Variants in PLCB4 observed in about 807,000 individuals in gnomAD.
PLCB4 encodes the protein phospholipase C beta 4.
In PLCB4, 77 loss-of-function variants were observed where a neutral mutation model predicts 178.8. The observed-to-expected ratio is 0.43, with a 90% CI of 0.36 to 0.52. The LOEUF is 0.52. Among genes scored for constraint, PLCB4 ranks in the 20% least tolerant of loss-of-function variants. PLCB4 has a pLI of 0.00. For missense variants in PLCB4, 1,024 were observed against 1,453.4 expected, an observed-to-expected ratio of 0.70 and a Z score of 4.80; for synonymous variants, 496 against 490.8, an observed-to-expected ratio of 1.01 and a Z score of -0.14.
intron 3 of PLCB4, among the ~76,000 whole-genome samples, chr20:9,223,326 G>T (rs2093822510): frequency 6.6e-6 from 1 of 152,194 alleles, no homozygotes; most frequent in Non-Finnish European, 1.5e-5. Flanking sequence ...CCATGATATA[G>T]TATATACGTT....
At chr20:9,148,457 A>G (rs1028776116) in intron 2 of PLCB4, among the ~76,000 whole-genome samples, 1 of 152,150 alleles carries the variant, frequency 6.6e-6, no homozygotes, top group South Asian at 2.1e-4. Flanking sequence ...GCATTGAGTG[A>G]TTACTGAAAT....
chr20:9,478,397 C>T (rs1057208297), intron 39 of PLCB4, among the ~76,000 whole-genome samples: 4 of 152,252 alleles, frequency 2.6e-5, no homozygotes, highest in African/African-American at 9.6e-5. Flanking sequence ...CCAGCCAATC[C>T]AATGTAATAT....
At chr20:9,249,506 G>A (rs1470243044) in intron 3 of PLCB4, among the ~76,000 whole-genome samples, 1 of 152,046 alleles carries the variant, frequency 6.6e-6, no homozygotes, top group Non-Finnish European at 1.5e-5. Flanking sequence ...TGTAGAGACA[G>A]GGCCTTGCTA....
intron 2 of PLCB4, among the ~76,000 whole-genome samples, chr20:9,191,896 A>T (rs866692248): frequency 4.2e-4 from 61 of 146,980 alleles, no homozygotes; most frequent in Middle Eastern, 3.4e-3. Flanking sequence ...TTTTTTTTTT[A>T]AATATACACA....
chr20:9,320,690 G>T (rs1397055439), intron 4 of PLCB4, among the ~76,000 whole-genome samples: 1 of 152,184 alleles, frequency 6.6e-6, no homozygotes, highest in East Asian at 1.9e-4. Context: ...CAAAACTGAG[G>T]ATTAAAATGG....
At chr20:9,367,145 G>A (rs1462849773) in intron 9 of PLCB4, among the ~76,000 whole-genome samples, 1 of 152,122 alleles carries the variant, frequency 6.6e-6, no homozygotes, top group East Asian at 1.9e-4. Flanking sequence ...TAACAGAATT[G>A]TCCCAGAAGA....
chr20:9,220,733 T>C (rs943547187), intron 3 of PLCB4, among the ~76,000 whole-genome samples: 4 of 152,216 alleles, frequency 2.6e-5, no homozygotes, highest in African/African-American at 7.2e-5. Context: ...ATTTTGCCTC[T>C]ACTTTAGAGC....
chr20:9,340,813 C>A (rs1372388035), intron 7 of PLCB4, among the ~76,000 whole-genome samples: 1 of 152,114 alleles, frequency 6.6e-6, no homozygotes, highest in Non-Finnish European at 1.5e-5. Context: ...ACTAGAATAT[C>A]TGCTCTTAGG....
intron 2 of PLCB4, among the ~76,000 whole-genome samples, chr20:9,213,060 T>C (rs1202919726): frequency 2.0e-5 from 3 of 151,602 alleles, no homozygotes; most frequent in African/African-American, 7.3e-5. Flanking sequence ...TTGCCTGTAG[T>C]GGACATTTCA....
chr20:9,292,048 T>A (rs6039434), intron 3 of PLCB4, among the ~76,000 whole-genome samples: 2 of 152,232 alleles, frequency 1.3e-5, no homozygotes, highest in East Asian at 3.9e-4. Flanking sequence ...TTTATTTTAA[T>A]GAGAAAATAG....
intron 12 of PLCB4, among the ~76,000 whole-genome samples, chr20:9,376,430 T>C (rs549173943): frequency 6.6e-6 from 1 of 152,286 alleles, no homozygotes; most frequent in South Asian, 2.1e-4. Context: ...AATTTAGCCA[T>C]AGGAATCCAC....
At chr20:9,085,516 T>C in intron 1 of PLCB4, among the ~76,000 whole-genome samples, 1 of 152,326 alleles carries the variant, frequency 6.6e-6, no homozygotes, top group South Asian at 2.1e-4. Context: ...TTGTATATCT[T>C]ATTTTGGATT....
chr20:9,362,084 G>A (rs2035390902), intron 7 of PLCB4, among the ~76,000 whole-genome samples: 1 of 152,192 alleles, frequency 6.6e-6, no homozygotes, highest in Admixed American at 6.5e-5. Context: ...ATCAGCTTAT[G>A]TGTGGGCCAC....
At chr20:9,123,828 G>A (rs1359623898) in intron 2 of PLCB4, among the ~76,000 whole-genome samples, 1 of 151,826 alleles carries the variant, frequency 6.6e-6, no homozygotes, top group Non-Finnish European at 1.5e-5. Context: ...ACAGATCTAT[G>A]TTGTATGTAG....
chr20:9,290,249 G>A (rs1034528354), intron 3 of PLCB4, among the ~76,000 whole-genome samples: 1 of 151,506 alleles, frequency 6.6e-6, no homozygotes. Flanking sequence ...CATTAGTACC[G>A]ACACTTGGGA....
rs1224261014 is a variant in PLCB4 at position 9,156,821 on chromosome 20, C to CTCCT, written c.-79+60482_-79+60483insTTCC. ...TCCTTCATGTTGGTTACAGGGTTGC[C>CTCCT]TCCCTCCCTCCCTCCCTCCCTCCCT... On this transcript the variant is annotated intron_variant, in intron 2 of 39. Coordinates refer to ENST00000378473, the MANE Select transcript of PLCB4 (RefSeq NM_001377142.1). 1.1e-4 allele frequency among the ~76,000 whole-genome samples: 6 copies of CTCCT among 55,704 alleles called. No homozygotes were observed. The East Asian group carries it at 3.4e-3, about 31-fold the overall frequency. 36.5% of individuals were successfully genotyped at this position (55,704 alleles called of 152,430 possible). A position where few individuals can be genotyped will look rare whatever the true frequency, so the allele number is the denominator to read the frequency against.
intron 2 of PLCB4, among the ~76,000 whole-genome samples, chr20:9,121,900 C>G (rs2091971891): frequency 6.6e-6 from 1 of 152,150 alleles, no homozygotes; most frequent in Non-Finnish European, 1.5e-5. Context: ...ATTATAGCTG[C>G]AAAATATTAT....
At chr20:9,420,529 A>G (rs1407788977) in intron 26 of PLCB4, among the ~76,000 whole-genome samples, 2 of 152,024 alleles carry the variant, frequency 1.3e-5, no homozygotes, top group Non-Finnish European at 2.9e-5. Flanking sequence ...GGTTTTTACC[A>G]TGTTGGCCAG....
At chr20:9,380,651 C>T (rs889256292) in intron 13 of PLCB4, among the ~76,000 whole-genome samples, 4 of 152,166 alleles carry the variant, frequency 2.6e-5, no homozygotes, top group Admixed American at 6.5e-5. Flanking sequence ...AGTCAGGAAT[C>T]GCCTTAGCTA....
Sources: gnomAD v4.1 joint callset for allele counts (sites outside exome capture counted in the v4.1 genomes callset) on GRCh38, gnomAD v4.1.1 for gene constraint, MANE v1.5 for transcripts, NCBI Gene and HGNC (gene_info 2026-07-23, HGNC 2026-07-21) for gene names.